The following ADA variants were observed in gnomAD, a reference collection of about 807,000 sequenced individuals.
ADA encodes the protein adenosine deaminase.
Under a neutral mutation model 49.0 loss-of-function variants are expected in ADA, and 45 were observed. That is an observed-to-expected ratio of 0.92 (90% CI 0.72 to 1.18). ADA has a LOEUF of 1.18. ADA is among the 50% of genes most tolerant of loss of function. The pLI, the probability that ADA is intolerant of heterozygous loss-of-function variation, is 0.00. For missense variants in ADA, 445 were observed against 472.5 expected (o/e 0.94, Z 0.54); for synonymous variants, 173 against 184.2 (o/e 0.94, Z 0.49).
At chr20:44,623,119 G>A (rs1226982650) in intron 6 of ADA, 41 bp from the exon 7 acceptor site, 1 of 1,612,480 alleles carries the variant, frequency 6.2e-7, no homozygotes, top group Non-Finnish European at 8.5e-7. Context: ...CCTAGCGGGA[G>A]GGCCCCGGCA....
At chr20:44,641,090 G>A (rs1422506752) in intron 1 of ADA, among the ~76,000 whole-genome samples, 1 of 152,192 alleles carries the variant, frequency 6.6e-6, no homozygotes, top group African/African-American at 2.4e-5. Context: ...CCTGCTGGAG[G>A]TCACAGGATG....
At chr20:44,627,091 G>A (rs185178188) in intron 3 of ADA, among the ~76,000 whole-genome samples, 80 of 151,544 alleles carry the variant, frequency 5.3e-4, no homozygotes, top group Non-Finnish European at 9.9e-4. Context: ...GCTCTTCCCC[G>A]ATACTGTCCT....
intron 2 of ADA, among the ~76,000 whole-genome samples, chr20:44,632,692 C>G (rs373232169): frequency 6.6e-6 from 1 of 152,116 alleles, no homozygotes; most frequent in Non-Finnish European, 1.5e-5. Context: ...TCTGTTTTTT[C>G]TTTTGTTTTG....
chr20:44,621,175 A>G (rs1006981082), intron 9 of ADA, 28 bp from the exon 10 acceptor site: 15 of 1,613,948 alleles, frequency 9.3e-6, no homozygotes, highest in Non-Finnish European at 1.3e-5. Flanking sequence ...GGAGAGAATC[A>G]GCCTCCTTTT....
intron 1 of ADA, among the ~76,000 whole-genome samples, chr20:44,646,363 G>A (rs2065591674): frequency 6.6e-6 from 1 of 152,150 alleles, no homozygotes; most frequent in Non-Finnish European, 1.5e-5. Context: ...CTCTTCCTAG[G>A]CACATTTTTG....
intron 10 of ADA, 109 bp downstream of exon 10, chr20:44,620,909 T>C (rs1020457358): frequency 2.4e-5 from 36 of 1,481,194 alleles, no homozygotes; most frequent in Non-Finnish European, 3.4e-5. Flanking sequence ...TCTTGGACTG[T>C]TGAGGCAGAC....
intron 1 of ADA, among the ~76,000 whole-genome samples, chr20:44,649,564 G>GGGA (rs1256967290): frequency 1.3e-5 from 2 of 151,416 alleles, no homozygotes; most frequent in East Asian, 3.9e-4. Context: ...TGAATCAGAT[G>GGGA]GGAGGACTGA....
chr20:44,628,725 C>T (rs2065405433), intron 3 of ADA, among the ~76,000 whole-genome samples: 1 of 151,972 alleles, frequency 6.6e-6, no homozygotes, highest in South Asian at 2.1e-4. Flanking sequence ...GCCTCTCCTC[C>T]CCTCACAACA....
intron 1 of ADA, among the ~76,000 whole-genome samples, chr20:44,644,246 CATGT>C (rs1384828218): frequency 2.0e-5 from 3 of 152,006 alleles, no homozygotes; most frequent in Non-Finnish European, 4.4e-5. Flanking sequence ...TTTTTGGGTT[CATGT>C]ATGTAACATG....
intron 1 of ADA, among the ~76,000 whole-genome samples, chr20:44,645,102 G>T (rs777511061): frequency 6.6e-6 from 1 of 152,160 alleles, no homozygotes; most frequent in Non-Finnish European, 1.5e-5. Context: ...CTAAACAGGG[G>T]CCAGGTGCGG....
chr20:44,643,696 C>G (rs1274025915), intron 1 of ADA, among the ~76,000 whole-genome samples: 2 of 152,184 alleles, frequency 1.3e-5, no homozygotes, highest in Non-Finnish European at 2.9e-5. Flanking sequence ...GCCTCCTGAC[C>G]TCTCCAGAGG....
intron 4 of ADA, 28 bp from the exon 5 acceptor site, chr20:44,625,712 C>T: frequency 6.5e-7 from 1 of 1,539,316 alleles, no homozygotes; most frequent in East Asian, 2.4e-5. Context: ...TAGGGATGGG[C>T]CTGAGGCAAA....
In ADA at chr20:44,648,073, G is replaced by A. The variant is rs1464614550; in HGVS notation, c.33+3502C>T. Among the ~76,000 whole-genome samples the A allele has an allele frequency of 2.6e-5, 4 of 152,110 alleles. 1 individual carries two copies. The highest frequency in any genetic ancestry group is 9.7e-5 in the African/African-American group (4 of 41,334). On this transcript the variant is annotated intron_variant, in intron 1 of 11. Transcript: ENST00000372874. Reference sequence around the variant, plus strand: ...AAGAAAAAGTCACTGAAGGCACCTGGTACCCAGGACTACTTCAAGGACAGC... The same window carrying A: ...AAGAAAAAGTCACTGAAGGCACCTGATACCCAGGACTACTTCAAGGACAGC...
chr20:44,644,897 C>A (rs1354035383), intron 1 of ADA, among the ~76,000 whole-genome samples: 9 of 152,202 alleles, frequency 5.9e-5, no homozygotes, highest in Admixed American at 1.3e-4. Context: ...TCCTGTGGAG[C>A]CACAGCATAG....
chr20:44,628,797 T>C (rs767470649), intron 3 of ADA, among the ~76,000 whole-genome samples: 7 of 151,972 alleles, frequency 4.6e-5, no homozygotes, highest in Non-Finnish European at 8.8e-5. Flanking sequence ...TCTGACCCTG[T>C]GTTCTTAGCT....
intron 6 of ADA, 125 bp from the exon 7 acceptor site, chr20:44,623,203 C>G (rs886483360): frequency 2.1e-6 from 3 of 1,421,560 alleles, no homozygotes; most frequent in Non-Finnish European, 2.9e-6. Context: ...ATGGGGAAAC[C>G]TGGTCTTTTA....
chr20:44,635,510 T>A (rs1392089893), intron 2 of ADA, among the ~76,000 whole-genome samples: 1 of 152,204 alleles, frequency 6.6e-6, no homozygotes, highest in Non-Finnish European at 1.5e-5. Flanking sequence ...TTCAATGAGC[T>A]GATAAAGCCC....
chr20:44,636,622 G>A (rs1000634827), intron 1 of ADA, among the ~76,000 whole-genome samples: 3 of 152,072 alleles, frequency 2.0e-5, no homozygotes, highest in Admixed American at 6.5e-5. Flanking sequence ...GTTCTTAATC[G>A]CAGCTGGTGA....
chr20:44,620,368 C>T lies in ADA; in HGVS notation c.1009G>A (p.Glu337Lys), dbSNP rs1156976510. ...TCGAGAAGCTCCCTCTTTTCATCTT[C>T]TGGGAGGAAACTAGATTTGGCCGCA... Reference protein sequence around the residue: ...INAAKSSFLPEDEKRELLDLL... With the variant: ...INAAKSSFLPKDEKRELLDLL... Residue 337 changes from glutamate to lysine, a missense_variant, in exon 11 of 12, where the codon GAA becomes AAA. Physicochemically the swap from Glu to Lys is moderately conservative, Grantham distance 56. Transcript: ENST00000372874. 19 of 1,614,216 alleles carry T rather than the reference C, an allele frequency of 1.2e-5. No homozygotes were observed. Among genetic ancestry groups the T allele is most frequent in the Non-Finnish European group, 1.5e-5 (18 of 1,180,044 alleles).
Sources: allele counts gnomAD v4.1 joint callset (sites outside exome capture counted in the v4.1 genomes callset), GRCh38; gene constraint gnomAD v4.1.1; transcripts MANE v1.5; gene names NCBI Gene and HGNC (gene_info 2026-07-23, HGNC 2026-07-21).